ARID2: variants seen among roughly 807,000 people sequenced by gnomAD.
The protein encoded by ARID2 is AT-rich interaction domain 2.
ARID2 carries 32 observed loss-of-function variants against 184.6 expected under a neutral mutation model. The ratio of observed to expected loss-of-function variants is 0.17; its 90% CI spans 0.13 to 0.23. The LOEUF is 0.23. Ranked by LOEUF, ARID2 falls within the 10% of genes least tolerant of loss-of-function variation. ARID2 has a pLI of 1.00. For synonymous variants in ARID2, 836 were observed against 772.6 expected (o/e 1.08, Z -1.36); for missense variants, 1,696 against 2,197.6 (o/e 0.77, Z 4.56).
chr12:45,845,655 CAAAG>C (rs1178743730), intron 11 of ARID2, among the ~76,000 whole-genome samples: 2 of 152,096 alleles, frequency 1.3e-5, no homozygotes, highest in Non-Finnish European at 2.9e-5. Flanking sequence ...GCTGTTACCT[CAAAG>C]AAAGCATGGG....
intron 15 of ARID2, among the ~76,000 whole-genome samples, chr12:45,856,589 G>T (rs1943655162): frequency 6.6e-6 from 1 of 152,126 alleles, no homozygotes; most frequent in Non-Finnish European, 1.5e-5. Flanking sequence ...AATGCCCAGG[G>T]CTGGAAAGAG....
chr12:45,880,273 G>T (rs1375377535), intron 16 of ARID2, among the ~76,000 whole-genome samples: 1 of 152,148 alleles, frequency 6.6e-6, no homozygotes, highest in African/African-American at 2.4e-5. Flanking sequence ...GTCAAACCAG[G>T]AATATAGAGG....
chr12:45,893,543 A>G lies in ARID2; in HGVS notation c.5271A>G (p.Thr1757=), dbSNP rs764528652. 3.7e-6 allele frequency: 6 copies of G among 1,613,622 alleles called. No individual in the cohort carries two copies. The highest frequency in any genetic ancestry group is 5.1e-6 in the Non-Finnish European group (6 of 1,179,772). ...GSRNLVFRDF[T]DEKEGPITKH... ...GAAACCTTGTCTTTCGAGATTTTAC[A>G]GTAAGCATGCCTTGAAACCCTTATC... Residue 1757 remains threonine (T), a splice_region_variant and synonymous_variant, in exon 19 of 21, where the codon ACA becomes ACG. Transcript: ENST00000334344.
intron 11 of ARID2, chr12:45,840,785 A>T (rs1309078906): frequency 6.6e-6 from 1 of 152,108 alleles, no homozygotes. Context: ...AAAATTATGT[A>T]CTCTATGCAA....
At chr12:45,829,792 TTTC>T (rs141510569) in intron 6 of ARID2, among the ~76,000 whole-genome samples, 9 of 121,274 alleles carry the variant, frequency 7.4e-5, no homozygotes, top group Admixed American at 4.1e-4. Flanking sequence ...CTAGGTTATC[TTTC>T]TTCTTCTTTT....
chr12:45,873,132 C>G (rs1234247373), intron 16 of ARID2, among the ~76,000 whole-genome samples: 1 of 152,152 alleles, frequency 6.6e-6, no homozygotes. Flanking sequence ...TGTAATGCCC[C>G]TCTTGATCCA....
chr12:45,744,008 CTT>C (rs1233518132), intron 3 of ARID2, among the ~76,000 whole-genome samples: 1 of 149,448 alleles, frequency 6.7e-6, no homozygotes, highest in Non-Finnish European at 1.5e-5. Context: ...ATTTTTTTTT[CTT>C]TTTTTTAGAA....
rs752929587 is a variant in ARID2, at chr12:45,852,893, G to T, written c.4770G>T (p.Pro1590=). The change falls in exon 15 of 21, where the codon CCG becomes CCT. Residue 1590 remains proline (P), a synonymous_variant. Transcript: ENST00000334344. ...CAACATATGTACAGAATGTGGTCCC[G>T]CAGGTAAGTTATTCCATGATCACAT... ...HPPTYVQNVV[P]QNTPMPPSPA... 6 of 1,564,118 alleles carry T rather than the reference G, an allele frequency of 3.8e-6. No individual in the cohort carries two copies. In the African/African-American group the frequency reaches 4.1e-5, roughly 11 times the overall value.
chr12:45,780,520 TATA>T (rs1942068858), intron 3 of ARID2, among the ~76,000 whole-genome samples: 1 of 152,194 alleles, frequency 6.6e-6, no homozygotes, highest in Non-Finnish European at 1.5e-5. Flanking sequence ...TTAATGATAC[TATA>T]ATAATTTATC....
intron 20 of ARID2, among the ~76,000 whole-genome samples, chr12:45,895,676 C>T (rs1011072279): frequency 1.3e-5 from 2 of 152,092 alleles, no homozygotes; most frequent in South Asian, 2.1e-4. Context: ...CTGGGATTAT[C>T]GGCTCATGCC....
chr12:45,839,833 TAGATTATTCA>T (rs1943305925), intron 11 of ARID2: 1 of 205,288 alleles, frequency 4.9e-6, no homozygotes, highest in Admixed American at 5.3e-5. Flanking sequence ...ATGCCAGGAA[TAGATTATTCA>T]TATATTACCT....
At chr12:45,831,562 CT>C (rs1423717732) in intron 6 of ARID2, among the ~76,000 whole-genome samples, 16 of 152,122 alleles carry the variant, frequency 1.1e-4, no homozygotes, top group Non-Finnish European at 2.1e-4. Flanking sequence ...TTTAAACATA[CT>C]ATAAATTATT....
chr12:45,811,638 T>C, intron 4 of ARID2, 87 bp downstream of exon 4: 3 of 1,431,378 alleles, frequency 2.1e-6, no homozygotes, highest in Non-Finnish European at 2.8e-6. Flanking sequence ...GTCCCTTCCT[T>C]TGCACATGAG....
At chr12:45,843,960 A>G (rs986848494) in intron 11 of ARID2, among the ~76,000 whole-genome samples, 7 of 152,292 alleles carry the variant, frequency 4.6e-5, no homozygotes, top group East Asian at 3.9e-4. Context: ...CAGAATTTTA[A>G]CAGTTGAATT....
chr12:45,863,864 T>TTTTTTTTTTTTTTTTTC, intron 16 of ARID2, among the ~76,000 whole-genome samples: 1 of 150,616 alleles, frequency 6.6e-6, no homozygotes, highest in African/African-American at 2.5e-5. Context: ...TTTGTTTTTT[T>TTTTTTTTTTTTTTTTTC]TTTGAGACAC....
At chr12:45,795,653 G>T (rs1316880346) in intron 3 of ARID2, among the ~76,000 whole-genome samples, 1 of 152,100 alleles carries the variant, frequency 6.6e-6, no homozygotes, top group East Asian at 1.9e-4. Flanking sequence ...AGCCAGGATG[G>T]TCTCGATCTC....
At chr12:45,819,589 T>C (rs1335158452) in intron 5 of ARID2, among the ~76,000 whole-genome samples, 1 of 152,162 alleles carries the variant, frequency 6.6e-6, no homozygotes, top group African/African-American at 2.4e-5. Context: ...ATGCCACTTC[T>C]TTTAGAAAGT....
In ARID2 at chr12:45,906,048, A is replaced by G. The variant is rs1944526409; in HGVS notation, c.*970A>G. The G allele has an allele frequency of 4.3e-6, 1 of 230,154 alleles. No individual in the cohort carries two copies. Among genetic ancestry groups the G allele is most frequent in the African/African-American group, 2.2e-5 (1 of 44,508 alleles). 14.3% of individuals were successfully genotyped at this position (230,154 alleles called of 1,614,324 possible). On this transcript the variant is annotated 3_prime_UTR_variant, in exon 21 of 21. Coordinates refer to ENST00000334344, the MANE Select transcript of ARID2 (RefSeq NM_152641.4). ...CATGTCATTTTTTAGAAGAAAAACT[A>G]TTTGAAGGTATTTTTTGGTTTTCCT...
chr12:45,742,481 T>G (rs946522002), intron 3 of ARID2, among the ~76,000 whole-genome samples: 1 of 152,226 alleles, frequency 6.6e-6, no homozygotes, highest in African/African-American at 2.4e-5. Context: ...CAACAAATTT[T>G]ATTTATGAAT....
Sources: allele counts gnomAD v4.1 joint callset (sites outside exome capture counted in the v4.1 genomes callset), GRCh38; gene constraint gnomAD v4.1.1; transcripts MANE v1.5; gene names NCBI Gene and HGNC (gene_info 2026-07-23, HGNC 2026-07-21).